RGS12: variants seen among roughly 807,000 people sequenced by gnomAD.
RGS12 encodes the protein regulator of G-protein signaling 12.
Under a neutral mutation model 120.1 loss-of-function variants are expected in RGS12, and 66 were observed. The observed-to-expected ratio is 0.55, with a 90% CI of 0.45 to 0.67. RGS12 has a LOEUF of 0.67. RGS12 is among the 30% of genes least tolerant of loss of function. RGS12 has a pLI of 0.00. For synonymous variants in RGS12, 827 were observed against 804.7 expected, an observed-to-expected ratio of 1.03 and a Z score of -0.47; for missense variants, 1,859 against 1,957.7, an observed-to-expected ratio of 0.95 and a Z score of 0.95.
intron 4 of RGS12, among the ~76,000 whole-genome samples, chr4:3,392,426 G>A (rs558859473): frequency 8.5e-5 from 13 of 152,222 alleles, no homozygotes; most frequent in African/African-American, 2.9e-4. Flanking sequence ...AAGCATGTTA[G>A]GCCACCTGGT....
intron 4 of RGS12, among the ~76,000 whole-genome samples, chr4:3,412,438 C>G (rs917838095): frequency 1.3e-5 from 2 of 152,234 alleles, no homozygotes; most frequent in East Asian, 1.9e-4. Flanking sequence ...TCACTGACCC[C>G]CTCCTGGTCT....
At chr4:3,426,520 A>T (rs1178682837) in intron 14 of RGS12, 1 of 152,282 alleles carries the variant, frequency 6.6e-6, no homozygotes. Flanking sequence ...AGGCTCGGTC[A>T]TTTGGGCTGG....
intron 2 of RGS12, among the ~76,000 whole-genome samples, chr4:3,336,606 A>G (rs1250680565): frequency 1.3e-5 from 2 of 152,260 alleles, no homozygotes. Context: ...AGTCGTGACC[A>G]GGACATGGTC....
intron 1 of RGS12, among the ~76,000 whole-genome samples, chr4:3,293,833 G>T (rs112814731): frequency 6.6e-6 from 1 of 151,348 alleles, no homozygotes. Flanking sequence ...AGACCGAGAG[G>T]GGGCCCAGAG....
At chr4:3,438,746 C>T (rs1006197815) in intron 17 of RGS12, among the ~76,000 whole-genome samples, 13 of 152,150 alleles carry the variant, frequency 8.5e-5, no homozygotes, top group East Asian at 1.9e-4. Flanking sequence ...CTTCCAAGGC[C>T]GGTTCAGGCA....
rs770302692 is a variant in RGS12, at chr4:3,316,791, G to T, written c.621G>T (p.Ser207=). 2 of 1,614,196 alleles carry T rather than the reference G, an allele frequency of 1.2e-6. No homozygotes were observed. Among genetic ancestry groups the T allele is most frequent in the Non-Finnish European group, 1.7e-6 (2 of 1,180,042 alleles). Residue 207 remains serine, a synonymous_variant, in exon 2 of 18, where the codon TCG becomes TCT. Coordinates refer to ENST00000336727, the MANE Select transcript of RGS12 (RefSeq NM_001394154.1). The part of the protein sequence containing the change: ...EEISKVIHDD[S]VFSIGLESHD... ...TATCAAAAGTTATTCATGATGATTC[G>T]GTTTTCAGCATTGGACTAGAAAGTC...
At chr4:3,305,048 G>A (rs1723899448) in intron 1 of RGS12, among the ~76,000 whole-genome samples, 1 of 152,202 alleles carries the variant, frequency 6.6e-6, no homozygotes, top group African/African-American at 2.4e-5. Context: ...TAATATCGCT[G>A]TTAGAAGACC....
chr4:3,417,013 A>G lies in RGS12; in HGVS notation c.2528A>G (p.Asp843Gly). 5.0e-6 allele frequency: 8 copies of G among 1,613,388 alleles called. No individual in the cohort carries two copies. The highest frequency in any genetic ancestry group is 6.8e-6 in the Non-Finnish European group (8 of 1,179,840). The change falls in exon 8 of 18, where the codon GAC becomes GGC. Residue 843 changes from aspartate to glycine, a missense_variant. Coordinates refer to ENST00000336727, the MANE Select transcript of RGS12 (RefSeq NM_001394154.1). Reference protein sequence around the residue: ...LAEVEGRALPDSQQVPSSPAS... With the variant: ...LAEVEGRALPGSQQVPSSPAS... The stretch of plus-strand genomic sequence containing the variant: ...GAAGTGGAGGGCCGTGCACTCCCGG[A>G]CTCGCAGCAGGTCCCCAGCAGCCCG...
Position 3,342,957 on chromosome 4 carries a change from A to G in RGS12, c.1902A>G (p.Gly634=), listed in dbSNP as rs569921747. 4 of 1,613,730 alleles carry G rather than the reference A, an allele frequency of 2.5e-6. No individual in the cohort carries two copies. The South Asian group carries it at 3.3e-5, about 13-fold the overall frequency. The change falls in exon 3 of 18, where the codon GGA becomes GGG. Residue 634 remains glycine (G), a synonymous_variant. Transcript: ENST00000336727. ...TTTAGGGCTCAAAATTTGGGCGGGG[A>G]ACTGGACTCACTCAGCCTTCTCAAC... ...EDKKGSKFGR[G]TGLTQPSQRT... is the part of the protein sequence containing the mutation.
intron 3 of RGS12, among the ~76,000 whole-genome samples, chr4:3,381,519 G>A (rs1373138101): frequency 1.3e-5 from 2 of 152,200 alleles, no homozygotes; most frequent in African/African-American, 4.8e-5. Flanking sequence ...GGAGGCCTCC[G>A]GGAACTTACA....
intron 15 of RGS12, 139 bp downstream of exon 15, chr4:3,428,308 C>T (rs746526727): frequency 1.4e-5 from 12 of 883,730 alleles, no homozygotes; most frequent in Middle Eastern, 4.3e-4. Context: ...GGGTCTCTCT[C>T]GTCCCTGCCG....
At chr4:3,437,800 G>C (rs1389652719) in intron 17 of RGS12, among the ~76,000 whole-genome samples, 1 of 152,228 alleles carries the variant, frequency 6.6e-6, no homozygotes, top group Non-Finnish European at 1.5e-5. Context: ...AGGCCAGGAT[G>C]AGGGCCTCTG....
chr4:3,317,233 A>G lies in RGS12; in HGVS notation c.1063A>G (p.Ile355Val), dbSNP rs766999063. 2 of 1,614,156 alleles carry G rather than the reference A, an allele frequency of 1.2e-6. No individual in the cohort carries two copies. Among genetic ancestry groups the G allele is most frequent in the African/African-American group, 1.3e-5 (1 of 75,034 alleles). Reference sequence around the variant, plus strand: ...GTTTAATCACAAGATCCACCAAGGCATTGCTCGGCGGTTTGGGTTTGAGTG... The same window carrying G: ...GTTTAATCACAAGATCCACCAAGGCGTTGCTCGGCGGTTTGGGTTTGAGTG... ...DLFNHKIHQG[I>V]ARRFGFECTA... Residue 355 changes from isoleucine (I) to valine (V), a missense_variant, in exon 2 of 18, where the codon ATT becomes GTT. Physicochemically the swap from Ile to Val is conservative, Grantham distance 29. This residue lies in a region of RGS12 where 967 missense variants were observed against 994.2 expected (regional missense o/e 0.97). Transcript: ENST00000336727.
At chr4:3,338,096 T>C (rs1380048289) in intron 2 of RGS12, among the ~76,000 whole-genome samples, 3 of 152,204 alleles carry the variant, frequency 2.0e-5, no homozygotes, top group African/African-American at 7.2e-5. Context: ...GTTTTGCTCT[T>C]GTTGCTCAGG....
intron 3 of RGS12, among the ~76,000 whole-genome samples, chr4:3,351,509 C>G (rs1250994948): frequency 1.3e-5 from 2 of 151,994 alleles, no homozygotes; most frequent in African/African-American, 4.8e-5. Flanking sequence ...CGTTGGTTGC[C>G]ATAGATTTGG....
intron 2 of RGS12, among the ~76,000 whole-genome samples, chr4:3,328,272 A>G (rs980340062): frequency 1.3e-5 from 2 of 152,174 alleles, no homozygotes; most frequent in African/African-American, 4.8e-5. Context: ...GAGTGATGAG[A>G]CACTTCTGAA....
At chr4:3,369,077 G>A (rs2108881472) in intron 3 of RGS12, among the ~76,000 whole-genome samples, 1 of 152,250 alleles carries the variant, frequency 6.6e-6, no homozygotes, top group South Asian at 2.1e-4. Context: ...GGTGACAGAA[G>A]TGGAGGTGGC....
intron 4 of RGS12, chr4:3,407,366 G>A (rs1410778993): frequency 6.6e-6 from 1 of 152,322 alleles, no homozygotes; most frequent in Non-Finnish European, 1.5e-5. Flanking sequence ...TCAGCCGTGT[G>A]CTGGGATCGC....
intron 3 of RGS12, among the ~76,000 whole-genome samples, chr4:3,360,236 A>G (rs1578817631): frequency 6.6e-6 from 1 of 152,102 alleles, no homozygotes; most frequent in African/African-American, 2.4e-5. Flanking sequence ...TGATTTTAGT[A>G]ATTTGAGTCT....
Sources: allele counts gnomAD v4.1 joint callset (sites outside exome capture counted in the v4.1 genomes callset), GRCh38; gene constraint gnomAD v4.1.1; regional missense constraint gnomAD v4.1.1; transcripts MANE v1.5; gene names NCBI Gene and HGNC (gene_info 2026-07-23, HGNC 2026-07-21).